RFX2: variants seen among roughly 807,000 people sequenced by gnomAD.
RFX2 encodes the protein regulatory factor X2.
Under a neutral mutation model 87.8 loss-of-function variants are expected in RFX2, and 20 were observed. The observed-to-expected ratio is 0.23, with a 90% CI of 0.16 to 0.33. The LOEUF is 0.33. Ranked by LOEUF, RFX2 falls within the 10% of genes least tolerant of loss-of-function variation. RFX2 has a pLI of 1.00. For synonymous variants in RFX2, 397 were observed against 431.3 expected (o/e 0.92, Z 0.98); for missense variants, 767 against 1,012.3 (o/e 0.76, Z 3.29).
At chr19:6,099,792 G>T (rs1174276769) in intron 1 of RFX2, among the ~76,000 whole-genome samples, 2 of 152,192 alleles carry the variant, frequency 1.3e-5, no homozygotes, top group African/African-American at 2.4e-5. Context: ...TGCAGTCCTT[G>T]CCACTTCTTG....
chr19:6,072,440 T>G (rs1266853726), intron 1 of RFX2, among the ~76,000 whole-genome samples: 3 of 152,224 alleles, frequency 2.0e-5, no homozygotes, highest in Admixed American at 6.5e-5. Context: ...CAGTGGCTCA[T>G]GTCTGTAATC....
chr19:5,997,626 C>G lies in RFX2; in HGVS notation c.1860-413G>C, dbSNP rs991068629. On this transcript the variant is annotated intron_variant, in intron 15 of 17. Transcript: ENST00000303657. This position sits in a 1 kb window ranked among gnomAD's most constrained non-coding sequence, Gnocchi z 4.2. ...GTGCCTGTCTCCCCAGCAGGAGGCG[C>G]CTTTCCCCACCTTCCCCGTATCCTT... Among the ~76,000 whole-genome samples the G allele has an allele frequency of 6.6e-6, 1 of 152,200 alleles. No homozygotes were observed. Among genetic ancestry groups the G allele is most frequent in the Non-Finnish European group, 1.5e-5 (1 of 68,032 alleles).
chr19:6,107,244 C>G (rs1024589904), intron 1 of RFX2, among the ~76,000 whole-genome samples: 1 of 151,230 alleles, frequency 6.6e-6, no homozygotes, highest in Admixed American at 6.6e-5. Flanking sequence ...TGCAGTGAGC[C>G]GAGATGGTGC....
intron 1 of RFX2, among the ~76,000 whole-genome samples, chr19:6,065,317 C>T (rs2087493496): frequency 1.3e-5 from 2 of 152,238 alleles, no homozygotes; most frequent in South Asian, 2.1e-4. Context: ...CTAATTATCA[C>T]ATCTAATAAG....
intron 1 of RFX2, among the ~76,000 whole-genome samples, chr19:6,079,338 T>C (rs901670318): frequency 1.3e-5 from 2 of 152,226 alleles, no homozygotes; most frequent in African/African-American, 4.8e-5. Context: ...ACAAGGACTG[T>C]GCTCCAGCAA....
In RFX2 at chr19:5,993,792, A is replaced by G. The variant is rs745732981; in HGVS notation, c.*1043T>C. On this transcript the variant is annotated 3_prime_UTR_variant, in exon 18 of 18. Coordinates refer to ENST00000303657, the MANE Select transcript of RFX2 (RefSeq NM_000635.4). The stretch of plus-strand genomic sequence containing the variant: ...GAATATTTGTTTGTCCCGAGAGAAG[A>G]GTTTTGACTTTGAAGAGGTCCAGGT... 6.6e-6 allele frequency: 1 copy of G among 152,068 alleles called. No individual in the cohort carries two copies. Among genetic ancestry groups the G allele is most frequent in the East Asian group, 1.9e-4 (1 of 5,186 alleles). The allele number at this position is 152,068 out of a possible 1,614,324, so 9.4% of individuals were successfully genotyped here.
chr19:6,049,431 C>T (rs1473724524), intron 1 of RFX2, among the ~76,000 whole-genome samples: 1 of 152,198 alleles, frequency 6.6e-6, no homozygotes, highest in Non-Finnish European at 1.5e-5. Flanking sequence ...GGATAAATGG[C>T]GAGACCGTGG....
In RFX2 at chr19:6,021,928, A is replaced by G. The variant is rs2086817010; in HGVS notation, c.597+4235T>C. 6.6e-6 allele frequency among the ~76,000 whole-genome samples: 1 copy of G among 152,010 alleles called. No individual in the cohort carries two copies. Among genetic ancestry groups the G allele is most frequent in the Non-Finnish European group, 1.5e-5 (1 of 67,996 alleles). ...GGTGGCCGAAAGAATCCACAGGGAC[A>G]GTGGCGGCTCGGGAAGTAGTCGAAG... On this transcript the variant is annotated intron_variant, in intron 6 of 17. Transcript: ENST00000303657. The surrounding 1 kb of genome is among the most constrained non-coding windows in gnomAD (Gnocchi z 5.7).
intron 5 of RFX2, among the ~76,000 whole-genome samples, chr19:6,035,551 T>A (rs1215424651): frequency 6.6e-6 from 1 of 152,198 alleles, no homozygotes; most frequent in East Asian, 1.9e-4. Flanking sequence ...TCGTCGAGGC[T>A]ACCAGTGAGG....
chr19:6,089,916 G>C (rs1229695026), intron 1 of RFX2, among the ~76,000 whole-genome samples: 1 of 152,156 alleles, frequency 6.6e-6, no homozygotes, highest in Non-Finnish European at 1.5e-5. Context: ...ATTATTATAT[G>C]AGATAACATC....
At chr19:6,025,264 G>C (rs1245464746) in intron 6 of RFX2, among the ~76,000 whole-genome samples, 1 of 152,144 alleles carries the variant, frequency 6.6e-6, no homozygotes, top group Non-Finnish European at 1.5e-5. Flanking sequence ...GTCCCATCCT[G>C]CTACAGGGCT....
chr19:6,106,653 G>A (rs1335431848), intron 1 of RFX2, among the ~76,000 whole-genome samples: 1 of 152,004 alleles, frequency 6.6e-6, no homozygotes, highest in Non-Finnish European at 1.5e-5. Flanking sequence ...CTCCTCCCCT[G>A]CAGTTTAGTG....
rs1200679059 is a variant in RFX2, at chr19:6,047,968, G to A, written c.-8-464C>T. 6.6e-6 allele frequency among the ~76,000 whole-genome samples: 1 copy of A among 152,256 alleles called. No homozygotes were observed. The highest frequency in any genetic ancestry group is 1.5e-5 in the Non-Finnish European group (1 of 68,052). ...CCCCACTGTGGCACCGTTGACATTT[G>A]AGCTGGATACTTCTTTGCTGTTGGA... On this transcript the variant is annotated intron_variant, in intron 1 of 17. Coordinates refer to ENST00000303657, the MANE Select transcript of RFX2 (RefSeq NM_000635.4). The surrounding 1 kb of genome is among the most constrained non-coding windows in gnomAD (Gnocchi z 4.2).
chr19:6,029,162 G>C (rs2086925108), intron 5 of RFX2, among the ~76,000 whole-genome samples: 1 of 150,868 alleles, frequency 6.6e-6, no homozygotes, highest in Non-Finnish European at 1.5e-5. Context: ...AGCAGCAACA[G>C]CAAACCCTGG....
intron 1 of RFX2, chr19:6,072,031 C>G (rs2087613711): frequency 1.3e-5 from 2 of 152,266 alleles, no homozygotes; most frequent in South Asian, 4.1e-4. Context: ...GAGAACAAAC[C>G]CTCAGCTTTG....
chr19:6,029,825 A>G (rs2086933772), intron 5 of RFX2, among the ~76,000 whole-genome samples: 1 of 152,236 alleles, frequency 6.6e-6, no homozygotes, highest in Admixed American at 6.5e-5. Context: ...TGGAGTTGAA[A>G]GTATAATAGC....
intron 16 of RFX2, among the ~76,000 whole-genome samples, chr19:5,996,271 C>A (rs1343364706): frequency 6.6e-6 from 1 of 152,298 alleles, no homozygotes; most frequent in Non-Finnish European, 1.5e-5. Flanking sequence ...CCCGCCCACA[C>A]ACGCCCACGC....
At chr19:6,102,606 C>T (rs1433285363) in intron 1 of RFX2, among the ~76,000 whole-genome samples, 1 of 152,226 alleles carries the variant, frequency 6.6e-6, no homozygotes, top group Non-Finnish European at 1.5e-5. Flanking sequence ...CCTTGCTTTG[C>T]TCGCCAGGCA....
At chr19:6,003,855 C>T (rs553028095) in intron 13 of RFX2, among the ~76,000 whole-genome samples, 8 of 148,644 alleles carry the variant, frequency 5.4e-5, no homozygotes, top group East Asian at 2.0e-4. Flanking sequence ...TTCCACAAGT[C>T]GGCCAAGGTT....
Sources: gnomAD v4.1 joint callset for allele counts (sites outside exome capture counted in the v4.1 genomes callset) on GRCh38, gnomAD v4.1.1 for gene constraint, Gnocchi (gnomAD v3.1) non-coding constraint, MANE v1.5 for transcripts, NCBI Gene and HGNC (gene_info 2026-07-23, HGNC 2026-07-21) for gene names.